FTO: variants seen among roughly 807,000 people sequenced by gnomAD.
The protein encoded by FTO is alpha-ketoglutarate-dependent dioxygenase FTO.
A neutral mutation model predicts 63.9 loss-of-function variants in FTO; 47 were observed. The ratio of observed to expected loss-of-function variants is 0.74; its 90% confidence interval spans 0.58 to 0.94. The LOEUF (loss-of-function observed/expected upper bound fraction) is 0.94. Ranked by LOEUF, FTO falls within the 40% of genes least tolerant of loss-of-function variation. FTO has a pLI of 0.00. For synonymous variants in FTO, 207 were observed against 224.4 expected (o/e 0.92, Z 0.69); for missense variants, 562 against 618.1 (o/e 0.91, Z 0.96).
chr16:53,934,250 A>G, intron 8 of FTO, 141 bp downstream of exon 8: 1 of 854,936 alleles, frequency 1.2e-6, no homozygotes, highest in Non-Finnish European at 1.9e-6. Context: ...TTTCAGCTAA[A>G]GTTAGCTTTC....
chr16:53,839,414 C>T (rs1038050926), intron 3 of FTO, among the ~76,000 whole-genome samples: 2 of 152,110 alleles, frequency 1.3e-5, no homozygotes, highest in Non-Finnish European at 2.9e-5. Context: ...AGTAAGAACA[C>T]TATATTTAAC....
intron 8 of FTO, among the ~76,000 whole-genome samples, chr16:54,068,372 C>T (rs1444912110): frequency 1.3e-5 from 2 of 152,154 alleles, no homozygotes; most frequent in East Asian, 3.9e-4. Context: ...CAGCCTCTGT[C>T]AACCTGAAAG....
rs557668209 is a variant in FTO, at chr16:53,758,948, A to C, written c.46-51192A>C. Among the ~76,000 whole-genome samples, 8 of 152,342 alleles carry C rather than the reference A, an allele frequency of 5.3e-5. No homozygotes were observed. In the East Asian group the frequency reaches 1.3e-3, roughly 26 times the overall value. ...CCTTAGTTATTAGAGATTTATGCTAAATAATTACAATTTGAATATTGTGAT... is the reference window on the plus strand; with the variant it reads ...CCTTAGTTATTAGAGATTTATGCTACATAATTACAATTTGAATATTGTGAT... On this transcript the variant is annotated intron_variant, in intron 1 of 8. Transcript: ENST00000471389.
In FTO at chr16:53,960,846, T is replaced by C. The variant is rs531288924; in HGVS notation, c.1364+26737T>C. Among the ~76,000 whole-genome samples, 34 of 152,266 alleles carry C rather than the reference T, an allele frequency of 2.2e-4. No individual in the cohort carries two copies. In the South Asian group the frequency reaches 5.4e-3, roughly 24 times the overall value. ...AGCCCCTAACCCTCTTTTTCAGTGA[T>C]AAACTTGTTTGGATTTCTCTGTCCG... On this transcript the variant is annotated intron_variant, in intron 8 of 8. Transcript: ENST00000471389.
At chr16:53,893,860 C>T (rs1434537805) in intron 7 of FTO, among the ~76,000 whole-genome samples, 1 of 152,184 alleles carries the variant, frequency 6.6e-6, no homozygotes, top group Non-Finnish European at 1.5e-5. Context: ...CCTGTTCTGA[C>T]AATTCCTTGT....
intron 3 of FTO, among the ~76,000 whole-genome samples, chr16:53,832,542 G>A (rs139299710): frequency 3.3e-5 from 5 of 152,254 alleles, no homozygotes; most frequent in African/African-American, 9.6e-5. Flanking sequence ...ACAGGTGTGA[G>A]CCACTGTGTC....
rs1207733366 is a variant in FTO at position 54,115,655 on chromosome 16, GAGA to G, written c.*3744_*3746del. The G allele has an allele frequency of 6.6e-6, 1 of 152,290 alleles. No homozygotes were observed. The highest frequency in any genetic ancestry group is 1.5e-5 in the Non-Finnish European group (1 of 68,208). The allele number at this position is 152,290 out of a possible 1,614,324, so 9.4% of individuals were successfully genotyped here. On this transcript the variant is annotated 3_prime_UTR_variant, in exon 9 of 9. Coordinates refer to ENST00000471389, the MANE Select transcript of FTO (RefSeq NM_001080432.3). ...GGAAAAGGGCCCTGAGCCTGAAGCC[GAGA>G]AGACCAGGAGGGGAGAAGGGGAGAT...
At chr16:53,880,808 T>A (rs1598895854) in intron 6 of FTO, among the ~76,000 whole-genome samples, 1 of 151,736 alleles carries the variant, frequency 6.6e-6, no homozygotes, top group East Asian at 1.9e-4. Flanking sequence ...AACATAAGAA[T>A]TTTGGAGGGA....
chr16:53,831,492 A>AT (rs1398705363), intron 3 of FTO, among the ~76,000 whole-genome samples: 1 of 152,112 alleles, frequency 6.6e-6, no homozygotes, highest in Non-Finnish European at 1.5e-5. Context: ...ACAAAGTTAC[A>AT]TTTTTTTCAT....
At chr16:53,923,660 C>G (rs188139967) in intron 7 of FTO, among the ~76,000 whole-genome samples, 73 of 151,894 alleles carry the variant, frequency 4.8e-4, no homozygotes, top group African/African-American at 1.7e-3. Flanking sequence ...TACCTTTCTC[C>G]CCCACTTTTT....
chr16:53,838,472 G>A (rs937980170), intron 3 of FTO, among the ~76,000 whole-genome samples: 5 of 150,028 alleles, frequency 3.3e-5, no homozygotes, highest in Non-Finnish European at 7.4e-5. Flanking sequence ...CACCACACCC[G>A]GCTAATTTTT....
chr16:53,711,222 T>A (rs1305664095), intron 1 of FTO: 2 of 379,830 alleles, frequency 5.3e-6, no homozygotes, highest in Non-Finnish European at 9.3e-6. Flanking sequence ...TTATGTTGAG[T>A]GTCTAGTCAA....
intron 1 of FTO, among the ~76,000 whole-genome samples, chr16:53,754,654 T>A (rs1400328280): frequency 1.3e-5 from 2 of 151,952 alleles, no homozygotes; most frequent in African/African-American, 4.8e-5. Context: ...AAAAGCTCCA[T>A]GATACCTTGA....
chr16:53,745,340 A>G (rs13339590), intron 1 of FTO, among the ~76,000 whole-genome samples: 2,188 of 152,286 alleles, frequency 0.014, 57 homozygotes, highest in African/African-American at 0.05. Flanking sequence ...CCAAAGCCCA[A>G]CTTGGCTACC....
chr16:54,074,673 A>G (rs2085943724), intron 8 of FTO, among the ~76,000 whole-genome samples: 1 of 152,182 alleles, frequency 6.6e-6, no homozygotes, highest in Admixed American at 6.5e-5. Context: ...ATCATATAAA[A>G]TGCTGGGATG....
intron 8 of FTO, among the ~76,000 whole-genome samples, chr16:54,087,723 A>G (rs1190490507): frequency 6.6e-6 from 1 of 152,226 alleles, no homozygotes; most frequent in Admixed American, 6.5e-5. Context: ...GGATTGCTTG[A>G]GCCCTGGAGT....
intron 1 of FTO, among the ~76,000 whole-genome samples, chr16:53,791,151 G>A (rs1317039990): frequency 6.6e-6 from 1 of 152,182 alleles, no homozygotes; most frequent in Non-Finnish European, 1.5e-5. Flanking sequence ...CAGCAGAATG[G>A]TAGTGGTTGA....
At chr16:53,905,127 C>CATCTCTTGCTGTGTT (rs2081504708) in intron 7 of FTO, among the ~76,000 whole-genome samples, 1 of 152,088 alleles carries the variant, frequency 6.6e-6, no homozygotes, top group South Asian at 2.1e-4. Flanking sequence ...TACTAGACCA[C>CATCTCTTGCTGTGTT]ATCTCTTGCT....
chr16:54,085,672 A>C (rs1054258689), intron 8 of FTO, among the ~76,000 whole-genome samples: 2 of 152,314 alleles, frequency 1.3e-5, no homozygotes, highest in Admixed American at 1.3e-4. Flanking sequence ...GTAAGTAAGG[A>C]GCATAGAGAT....
Sources: gnomAD v4.1 joint callset for allele counts (sites outside exome capture counted in the v4.1 genomes callset) on GRCh38, gnomAD v4.1.1 for gene constraint, MANE v1.5 for transcripts, NCBI Gene and HGNC (gene_info 2026-07-23, HGNC 2026-07-21) for gene names.